The following SUGCT variants were observed in gnomAD, a reference collection of about 807,000 sequenced individuals.
SUGCT encodes succinyl-CoA:glutarate CoA-transferase.
In SUGCT, 41 loss-of-function variants were observed where a neutral mutation model predicts 55.0. The observed-to-expected ratio is 0.74, with a 90% CI of 0.58 to 0.97. The LOEUF (loss-of-function observed/expected upper bound fraction) is 0.97, where lower values mean the gene tolerates loss of function less well. Among genes scored for constraint, SUGCT ranks in the 50% least tolerant of loss-of-function variants. The pLI is 0.00. For missense variants in SUGCT, 568 were observed against 547.8 expected (o/e 1.04, Z -0.37); for synonymous variants, 187 against 200.4 (o/e 0.93, Z 0.56).
intron 12 of SUGCT, among the ~76,000 whole-genome samples, chr7:40,520,157 A>G (rs1298024638): frequency 6.6e-6 from 1 of 152,174 alleles, no homozygotes; most frequent in Admixed American, 6.6e-5. Context: ...TACTTAGGAC[A>G]TACTAATACC....
At chr7:40,898,144 G>C in the SUGCT span, among the ~76,000 whole-genome samples, 4 of 151,298 alleles carry the variant, frequency 2.6e-5, no homozygotes, top group African/African-American at 4.9e-5. Context: ...AAGACCACCA[G>C]CTCACCAGTA....
chr7:40,480,330 T>C (rs1790959575), intron 11 of SUGCT, among the ~76,000 whole-genome samples: 2 of 152,180 alleles, frequency 1.3e-5, no homozygotes, highest in Admixed American at 1.3e-4. Context: ...TCACTGTAGA[T>C]GCATGGATTT....
rs1554300444 is a variant in SUGCT at position 40,277,677 on chromosome 7, G to GTTATTAATA, written c.720+3027_720+3028insATATTATTA. Among the ~76,000 whole-genome samples, 11 of 144,902 alleles carry GTTATTAATA rather than the reference G, an allele frequency of 7.6e-5. No individual in the cohort carries two copies. The South Asian group carries it at 1.1e-3, about 14-fold the overall frequency. On this transcript the variant is annotated intron_variant, in intron 8 of 13. Transcript: ENST00000335693. ...ATTTAACAGATAATTTGTTCTTTTT[G>GTTATTAATA]TTATTATTATTATTATTATTATTAT...
chr7:40,681,190 G>C (rs967703981), intron 12 of SUGCT, among the ~76,000 whole-genome samples: 1 of 152,018 alleles, frequency 6.6e-6, no homozygotes, highest in African/African-American at 2.4e-5. Context: ...AGTAGTGATT[G>C]GCAGCCCCTA....
chr7:40,511,167 A>G (rs1196626408), intron 12 of SUGCT, among the ~76,000 whole-genome samples: 1 of 152,174 alleles, frequency 6.6e-6, no homozygotes, highest in African/African-American at 2.4e-5. Context: ...CATCAGCTTA[A>G]CCAAGTCATC....
intron 13 of SUGCT, among the ~76,000 whole-genome samples, chr7:40,774,350 C>T (rs1164818316): frequency 6.6e-6 from 1 of 152,116 alleles, no homozygotes; most frequent in African/African-American, 2.4e-5. Context: ...CTGTAATTTA[C>T]ATAAATGCTC....
intron 13 of SUGCT, among the ~76,000 whole-genome samples, chr7:40,771,981 TG>T (rs1789127741): frequency 6.6e-6 from 1 of 152,182 alleles, no homozygotes; most frequent in Admixed American, 6.5e-5. Context: ...TTTTTCATCT[TG>T]CTCCTTAAAA....
intron 11 of SUGCT, among the ~76,000 whole-genome samples, chr7:40,464,378 G>A (rs1463785805): frequency 6.6e-6 from 1 of 152,148 alleles, no homozygotes; most frequent in African/African-American, 2.4e-5. Flanking sequence ...GCCCAGAGAA[G>A]GAGCAACTCC....
the SUGCT span, among the ~76,000 whole-genome samples, chr7:40,927,389 A>T: frequency 1.3e-5 from 2 of 152,092 alleles, no homozygotes; most frequent in Admixed American, 1.3e-4. Context: ...GGAAAAGGGG[A>T]GTCAGAACTA....
At chr7:41,035,847 A>T in the SUGCT span, among the ~76,000 whole-genome samples, 1 of 152,280 alleles carries the variant, frequency 6.6e-6, no homozygotes, top group East Asian at 1.9e-4. Flanking sequence ...CTCACCTCAC[A>T]GGAACCCCCA....
the SUGCT span, among the ~76,000 whole-genome samples, chr7:40,980,151 A>AAG: frequency 8.7e-3 from 1,306 of 150,746 alleles, 19 homozygotes; most frequent in African/African-American, 0.028. Context: ...AAGAGAGAGC[A>AAG]AGAGAGAGAG....
intron 12 of SUGCT, among the ~76,000 whole-genome samples, chr7:40,650,139 CCT>C (rs1800705977): frequency 1.3e-5 from 2 of 152,150 alleles, no homozygotes; most frequent in African/African-American, 4.8e-5. Context: ...TGGATGGAGG[CCT>C]CTCTCAGTTC....
intron 12 of SUGCT, among the ~76,000 whole-genome samples, chr7:40,744,960 T>C (rs533917076): frequency 5.3e-5 from 8 of 152,360 alleles, no homozygotes; most frequent in African/African-American, 1.9e-4. Flanking sequence ...GCTTAAACTG[T>C]GTTATAACAA....
the SUGCT span, among the ~76,000 whole-genome samples, chr7:40,890,124 C>G: frequency 6.6e-6 from 1 of 150,638 alleles, no homozygotes; most frequent in East Asian, 1.9e-4. Context: ...AATGAGGAGA[C>G]AGGTGAGCAA....
At chr7:40,770,816 C>T (rs1185019291) in intron 13 of SUGCT, among the ~76,000 whole-genome samples, 1 of 152,128 alleles carries the variant, frequency 6.6e-6, no homozygotes, top group Non-Finnish European at 1.5e-5. Flanking sequence ...ACTGGTGTCC[C>T]TCCTGTATGC....
chr7:40,574,091 G>A (rs901699446), intron 12 of SUGCT, among the ~76,000 whole-genome samples: 1 of 152,000 alleles, frequency 6.6e-6, no homozygotes, highest in Non-Finnish European at 1.5e-5. Flanking sequence ...TCTGTGTGAC[G>A]AATTCCGCTT....
intron 9 of SUGCT, among the ~76,000 whole-genome samples, chr7:40,404,095 A>G (rs1041201281): frequency 6.6e-6 from 1 of 152,220 alleles, no homozygotes; most frequent in African/African-American, 2.4e-5. Flanking sequence ...TGACTGGTAC[A>G]GGTCACTTAG....
At chr7:40,367,490 C>T (rs1186474111) in intron 9 of SUGCT, among the ~76,000 whole-genome samples, 7 of 151,738 alleles carry the variant, frequency 4.6e-5, no homozygotes, top group Admixed American at 1.3e-4. Context: ...CTGCGATATT[C>T]GCTAAAAGTA....
intron 7 of SUGCT, among the ~76,000 whole-genome samples, chr7:40,248,925 C>CACACAG (rs1265096206): frequency 7.3e-6 from 1 of 137,910 alleles, no homozygotes; most frequent in Admixed American, 7.2e-5. Context: ...CACACACACA[C>CACACAG]TCCCTCTCTC....
Sources: allele counts gnomAD v4.1 joint callset (sites outside exome capture counted in the v4.1 genomes callset), GRCh38; gene constraint gnomAD v4.1.1; transcripts MANE v1.5; gene names NCBI Gene and HGNC (gene_info 2026-07-23, HGNC 2026-07-21).